The following PSAP variants were observed in gnomAD, a reference collection of about 807,000 sequenced individuals.
The protein encoded by PSAP is precursor of saposins.
Under a neutral mutation model 66.0 loss-of-function variants are expected in PSAP, and 25 were observed. That is an observed-to-expected ratio of 0.38 (90% CI 0.28 to 0.53). The LOEUF (loss-of-function observed/expected upper bound fraction) is 0.53, where lower values mean the gene tolerates loss of function less well. PSAP is among the 20% of genes least tolerant of loss of function. PSAP has a pLI of 0.83. For missense variants in PSAP, 649 were observed against 668.8 expected (o/e 0.97, Z 0.33); for synonymous variants, 273 against 258.9 (o/e 1.05, Z -0.52).
chr10:71,834,208 G>A lies in PSAP; in HGVS notation c.174+164C>T, dbSNP rs2854986. ...GCCTCCATCTCCTCTGCTGTAAAAT[G>A]GGTACATTCACCAATAGGTCCTGCC... On this transcript the variant is annotated intron_variant, in intron 2 of 13. Coordinates refer to ENST00000394936, the MANE Select transcript of PSAP (RefSeq NM_002778.4). 0.055 allele frequency among the ~76,000 whole-genome samples: 8,448 copies of A among 152,260 alleles called. 423 individuals carry two copies. The highest frequency in any genetic ancestry group is 0.13 in the African/African-American group (5,487 of 41,518).
chr10:71,832,569 A>G (rs1564821634), intron 2 of PSAP, among the ~76,000 whole-genome samples: 1 of 152,198 alleles, frequency 6.6e-6, no homozygotes, highest in East Asian at 1.9e-4. Flanking sequence ...AGCTGCATTT[A>G]GAGAAACCAA....
intron 1 of PSAP, among the ~76,000 whole-genome samples, chr10:71,847,908 C>T (rs1174617900): frequency 1.3e-5 from 2 of 152,120 alleles, no homozygotes; most frequent in African/African-American, 2.4e-5. Context: ...TTCTAGCATC[C>T]CCAGAAAACA....
Position 71,828,167 on chromosome 10 carries a change from A to G in PSAP, c.577-10T>C, listed in dbSNP as rs185892516. On this transcript the variant is annotated splice_polypyrimidine_tract_variant and intron_variant, in intron 5 of 13. Transcript: ENST00000394936. ...AAACGTCCCCATTATCCTACAGAAG[A>G]GGCAGTTAGGTTTGCAACTTAAGAG... 1.3e-4 allele frequency: 209 copies of G among 1,614,164 alleles called. No individual in the cohort carries two copies. In the East Asian group the frequency reaches 4.6e-3, roughly 36 times the overall value.
chr10:71,827,318 G>A (rs1842413937), intron 6 of PSAP, among the ~76,000 whole-genome samples: 1 of 151,316 alleles, frequency 6.6e-6, no homozygotes, highest in African/African-American at 2.4e-5. Flanking sequence ...AGAATGGCGT[G>A]AACCCGGGAG....
chr10:71,834,657 A>G, intron 1 of PSAP, 152 bp from the exon 2 acceptor site: 1 of 996,364 alleles, frequency 1.0e-6, no homozygotes, highest in Non-Finnish European at 1.5e-6. Context: ...CCACACAGAT[A>G]CACGCCTGTC....
chr10:71,839,333 G>A (rs978758995), intron 1 of PSAP, among the ~76,000 whole-genome samples: 3 of 151,962 alleles, frequency 2.0e-5, no homozygotes, highest in East Asian at 1.9e-4. Context: ...TCCACTTCCC[G>A]GGTTCAAGCG....
intron 13 of PSAP, among the ~76,000 whole-genome samples, chr10:71,818,202 T>C (rs975375061): frequency 4.6e-5 from 7 of 152,186 alleles, no homozygotes; most frequent in Non-Finnish European, 5.9e-5. Context: ...TCTCAGGGCC[T>C]TGAGTGAGGA....
At position 71,825,890 on chromosome 10, in the gene PSAP, T is replaced by C; in HGVS notation, c.724A>G (p.Lys242Glu). 7 of 1,613,194 alleles carry C rather than the reference T, an allele frequency of 4.3e-6. No individual in the cohort carries two copies. Among genetic ancestry groups the C allele is most frequent in the Non-Finnish European group, 5.9e-6 (7 of 1,179,154 alleles). Residue 242 changes from lysine to glutamate, a missense_variant, in exon 7 of 14, where the codon AAG (lysine) becomes GAG (glutamate). Lys to Glu is a moderately conservative substitution (Grantham distance 56). Coordinates refer to ENST00000394936, the MANE Select transcript of PSAP (RefSeq NM_002778.4). Reference sequence around the variant, plus strand: ...TCAGAATACTGGCTGATATAGTTCTTGCACTGAGGAGAGAGAAACAGATTG... The same window carrying C: ...TCAGAATACTGGCTGATATAGTTCTCGCACTGAGGAGAGAGAAACAGATTG... ...RLGPGMADIC[K>E]NYISQYSEIA...
intron 6 of PSAP, among the ~76,000 whole-genome samples, 186 bp from the exon 7 acceptor site, chr10:71,826,079 T>C (rs1256246021): frequency 4.6e-5 from 7 of 152,244 alleles, no homozygotes; most frequent in Admixed American, 3.3e-4. Flanking sequence ...ATTTGGTTAC[T>C]CTATCATTTA....
Position 71,819,557 on chromosome 10 carries a change from C to G in PSAP, c.1258G>C (p.Asp420His). Residue 420 changes from aspartate (D) to histidine (H), a missense_variant, in exon 11 of 14, where the codon GAT becomes CAT. Asp to His is a moderately conservative substitution (Grantham distance 81). Coordinates refer to ENST00000394936, the MANE Select transcript of PSAP (RefSeq NM_002778.4). ...GTGCTGTTTTTCTCCAGGTTGCGAT[C>G]CAAATAACCCACCAGCTTCTTGCAC... ...EVCKKLVGYL[D>H]RNLEKNSTKQ... 6.2e-7 allele frequency: 1 copy of G among 1,614,218 alleles called. No individual in the cohort carries two copies. Among genetic ancestry groups the G allele is most frequent in the Non-Finnish European group, 8.5e-7 (1 of 1,180,048 alleles).
In PSAP at chr10:71,819,492, G is replaced by A. The variant is rs1419823465; in HGVS notation, c.1323C>T (p.Ser441=). The A allele has an allele frequency of 2.5e-6, 4 of 1,614,112 alleles. No homozygotes were observed. Among genetic ancestry groups the A allele is most frequent in the Non-Finnish European group, 8.5e-7 (1 of 1,180,058 alleles). The change falls in exon 11 of 14, where the codon AGC becomes AGT. Residue 441 remains serine, a synonymous_variant. Transcript: ENST00000394936. ...GCTTCTGGTAAGGGTCTGGCAGGAA[G>A]CTGCAGCCTTTCTCAAGAGCAGCCA... is the stretch of plus-strand genomic sequence containing the variant. ...EILAALEKGC[S]FLPDPYQKQC... is the part of the protein sequence containing the mutation.
chr10:71,825,594 C>G (rs2133040118), intron 7 of PSAP: 1 of 639,542 alleles, frequency 1.6e-6, no homozygotes, highest in South Asian at 1.6e-5. Context: ...CAGAGGCAAA[C>G]AAATTGCCAG....
At chr10:71,843,623 T>TA (rs1406642446) in intron 1 of PSAP, among the ~76,000 whole-genome samples, 1 of 152,184 alleles carries the variant, frequency 6.6e-6, no homozygotes, top group Non-Finnish European at 1.5e-5. Flanking sequence ...CAAGTCTCAT[T>TA]AGAATTCACC....
intron 4 of PSAP, among the ~76,000 whole-genome samples, chr10:71,829,816 T>A (rs924801870): frequency 3.9e-5 from 6 of 152,026 alleles, no homozygotes; most frequent in African/African-American, 1.4e-4. Flanking sequence ...CTGGCCAATG[T>A]GGTAAAACCC....
chr10:71,850,356 T>C (rs1035273212), intron 1 of PSAP, among the ~76,000 whole-genome samples: 1 of 152,260 alleles, frequency 6.6e-6, no homozygotes, highest in African/African-American at 2.4e-5. Context: ...TTCTTTCTAT[T>C]GATTCTAGGT....
intron 7 of PSAP, 95 bp from the exon 8 acceptor site, chr10:71,822,102 CT>C: frequency 6.3e-7 from 1 of 1,581,774 alleles, no homozygotes. Flanking sequence ...GGACAGCACC[CT>C]GGGCCCAGGT....
intron 7 of PSAP, chr10:71,822,254 G>A (rs1347898090): frequency 1.8e-6 from 1 of 551,616 alleles, no homozygotes; most frequent in African/African-American, 1.9e-5. Flanking sequence ...ACATCAAACA[G>A]AGTCTCCATC....
At chr10:71,848,078 G>A (rs1015239351) in intron 1 of PSAP, among the ~76,000 whole-genome samples, 1 of 152,074 alleles carries the variant, frequency 6.6e-6, no homozygotes, top group African/African-American at 2.4e-5. Context: ...TTCCACCAGA[G>A]GACTCACCTA....
intron 1 of PSAP, among the ~76,000 whole-genome samples, chr10:71,850,330 T>G (rs1662844231): frequency 6.6e-6 from 1 of 152,248 alleles, no homozygotes; most frequent in African/African-American, 2.4e-5. Context: ...CAATCCTTTA[T>G]CTTAACTTGA....
Sources: allele counts gnomAD v4.1 joint callset (sites outside exome capture counted in the v4.1 genomes callset), GRCh38; gene constraint gnomAD v4.1.1; transcripts MANE v1.5; gene names NCBI Gene and HGNC (gene_info 2026-07-23, HGNC 2026-07-21).